ALPL: variants seen among roughly 807,000 people sequenced by gnomAD.
The protein encoded by ALPL is alkaline phosphatase, biomineralization associated.
A neutral mutation model predicts 51.3 loss-of-function variants in ALPL; 42 were observed. That is an observed-to-expected ratio of 0.82 (90% CI 0.64 to 1.06). The LOEUF (loss-of-function observed/expected upper bound fraction) is 1.06. ALPL is among the 50% of genes least tolerant of loss of function. The pLI is 0.00. For missense variants in ALPL, 589 were observed against 709.4 expected (o/e 0.83, Z 1.93); for synonymous variants, 279 against 296.4 (o/e 0.94, Z 0.60).
At chr1:21,516,044 A>G (rs749018027) in intron 1 of ALPL, among the ~76,000 whole-genome samples, 1 of 151,960 alleles carries the variant, frequency 6.6e-6, no homozygotes. Context: ...ACGCCCCGCT[A>G]ATTTTTTTTA....
At chr1:21,575,633 C>G (rs1354776564) in intron 9 of ALPL, 100 bp from the exon 10 acceptor site, 1 of 1,454,498 alleles carries the variant, frequency 6.9e-7, no homozygotes, top group Non-Finnish European at 9.6e-7. Flanking sequence ...CCTGTCCTTC[C>G]CTAGCTAACA....
intron 5 of ALPL, 94 bp from the exon 6 acceptor site, chr1:21,563,947 G>C: frequency 6.7e-7 from 1 of 1,495,050 alleles, no homozygotes; most frequent in Non-Finnish European, 9.1e-7. Flanking sequence ...TGAAGCGGGG[G>C]CCTGTCTTTA....
intron 7 of ALPL, among the ~76,000 whole-genome samples, chr1:21,569,809 C>A (rs755930125): frequency 1.6e-4 from 25 of 152,182 alleles, no homozygotes; most frequent in Admixed American, 2.6e-4. Context: ...GGGGAAACAG[C>A]CACGCCTTTA....
chr1:21,540,217 G>A (rs1644164605), intron 1 of ALPL, among the ~76,000 whole-genome samples: 1 of 152,160 alleles, frequency 6.6e-6, no homozygotes, highest in Admixed American at 6.5e-5. Flanking sequence ...AAGCAGCCAT[G>A]CTCCGCCCCC....
At chr1:21,548,118 T>A (rs1570240519) in intron 1 of ALPL, among the ~76,000 whole-genome samples, 1 of 151,678 alleles carries the variant, frequency 6.6e-6, no homozygotes, top group African/African-American at 2.4e-5. Flanking sequence ...AGGGAGGGGG[T>A]GGCGATGGGG....
chr1:21,543,703 A>G (rs1235114090), intron 1 of ALPL, among the ~76,000 whole-genome samples: 3 of 152,184 alleles, frequency 2.0e-5, no homozygotes, highest in African/African-American at 7.2e-5. Flanking sequence ...TAAGCACCTC[A>G]AGTGATTTTT....
chr1:21,573,162 G>A (rs376099431), intron 8 of ALPL, among the ~76,000 whole-genome samples: 1 of 152,188 alleles, frequency 6.6e-6, no homozygotes, highest in Non-Finnish European at 1.5e-5. Context: ...GGCTGGGTGC[G>A]GAGGCTCACG....
intron 7 of ALPL, among the ~76,000 whole-genome samples, chr1:21,569,929 G>A (rs189335339): frequency 1.8e-4 from 27 of 152,090 alleles, no homozygotes; most frequent in African/African-American, 4.3e-4. Flanking sequence ...AAGGCCCCTG[G>A]AGACCTGTGC....
intron 2 of ALPL, 48 bp downstream of exon 2, chr1:21,554,190 G>A: frequency 6.5e-7 from 1 of 1,547,068 alleles, no homozygotes; most frequent in Non-Finnish European, 8.9e-7. Flanking sequence ...GTGCAGATGG[G>A]GTATGATGAG....
chr1:21,542,240 C>T (rs1277464549), intron 1 of ALPL, among the ~76,000 whole-genome samples: 2 of 152,174 alleles, frequency 1.3e-5, no homozygotes, highest in African/African-American at 4.8e-5. Context: ...GCCCCCCAGC[C>T]CCTGCCTCAT....
At chr1:21,565,033 G>A (rs947625017) in intron 6 of ALPL, among the ~76,000 whole-genome samples, 2 of 152,120 alleles carry the variant, frequency 1.3e-5, no homozygotes, top group South Asian at 2.1e-4. Flanking sequence ...CTGCTGAGGC[G>A]ATCTGGGGAC....
At chr1:21,536,797 T>C (rs900182574) in intron 1 of ALPL, among the ~76,000 whole-genome samples, 5 of 150,800 alleles carry the variant, frequency 3.3e-5, no homozygotes, top group Non-Finnish European at 5.9e-5. Flanking sequence ...TGGCCAAAAA[T>C]GACAGTAGAT....
chr1:21,552,104 T>TCCCC (rs1644334415), intron 1 of ALPL, among the ~76,000 whole-genome samples: 2 of 6,588 alleles, frequency 3.0e-4, no homozygotes, highest in East Asian at 7.9e-3. Flanking sequence ...TTCCCTTCCC[T>TCCCC]TTCCTCCCCT....
intron 1 of ALPL, among the ~76,000 whole-genome samples, chr1:21,549,488 T>G (rs1049288532): frequency 3.3e-5 from 5 of 151,912 alleles, no homozygotes; most frequent in Admixed American, 1.3e-4. Flanking sequence ...TTTTTTTTTT[T>G]TCTGAGATGG....
At chr1:21,565,487 G>A (rs1644550021) in intron 6 of ALPL, among the ~76,000 whole-genome samples, 1 of 152,112 alleles carries the variant, frequency 6.6e-6, no homozygotes, top group Non-Finnish European at 1.5e-5. Flanking sequence ...TGTTGTACAG[G>A]CACAGGGTAT....
chr1:21,511,242 AG>A (rs1201896422), intron 1 of ALPL, among the ~76,000 whole-genome samples: 2 of 152,296 alleles, frequency 1.3e-5, no homozygotes, highest in East Asian at 3.9e-4. Context: ...GCTATTCATA[AG>A]GAAGGAGATT....
In ALPL at chr1:21,568,111, T is replaced by TG. The variant is rs769948289; in HGVS notation, c.662dup (p.Gly222TrpfsTer10). ...GGCTCCTGTCTCTTTTAGGTGATCATGGGGGGTGGCCGGAAATACATGTAC... is the reference window on the plus strand; with the variant it reads ...GGCTCCTGTCTCTTTTAGGTGATCATGGGGGGGTGGCCGGAAATACATGTAC... On this transcript the variant is annotated frameshift_variant, in exon 7 of 12. Transcript: ENST00000374840. LOFTEE classifies it high-confidence loss of function. 6.2e-7 allele frequency: 1 copy of TG among 1,613,994 alleles called. No homozygotes were observed. Among genetic ancestry groups the TG allele is most frequent in the Non-Finnish European group, 8.5e-7 (1 of 1,180,000 alleles).
intron 1 of ALPL, among the ~76,000 whole-genome samples, chr1:21,550,364 C>T (rs1251155370): frequency 6.6e-6 from 1 of 152,090 alleles, no homozygotes; most frequent in Non-Finnish European, 1.5e-5. Flanking sequence ...TAACCTTGGG[C>T]AAGTCTCCGT....
intron 5 of ALPL, 64 bp from the exon 6 acceptor site, chr1:21,563,977 G>T: frequency 6.3e-6 from 10 of 1,593,218 alleles, no homozygotes; most frequent in Non-Finnish European, 7.7e-6. Flanking sequence ...GGGAAGGGAG[G>T]GAGGAGGCCT....
Sources: gnomAD v4.1 joint callset for allele counts (sites outside exome capture counted in the v4.1 genomes callset) on GRCh38, gnomAD v4.1.1 for gene constraint, MANE v1.5 for transcripts, NCBI Gene and HGNC (gene_info 2026-07-23, HGNC 2026-07-21) for gene names.